Variants in PDE1A observed in about 807,000 individuals in gnomAD.
PDE1A encodes the protein phosphodiesterase 1A.
A neutral mutation model predicts 61.7 loss-of-function variants in PDE1A; 35 were observed. That is an observed-to-expected ratio of 0.57 (90% CI 0.43 to 0.75). The LOEUF (loss-of-function observed/expected upper bound fraction) is 0.75. Among genes scored for constraint, PDE1A ranks in the 30% least tolerant of loss-of-function variants. The pLI, the probability that PDE1A is intolerant of heterozygous loss-of-function variation, is 0.00. For synonymous variants in PDE1A, 232 were observed against 213.2 expected (o/e 1.09, Z -0.77); for missense variants, 597 against 630.6 (o/e 0.95, Z 0.57).
intron 1 of PDE1A, among the ~76,000 whole-genome samples, chr2:182,415,893 A>T (rs777206428): frequency 2.0e-5 from 3 of 152,216 alleles, no homozygotes; most frequent in Non-Finnish European, 4.4e-5. Flanking sequence ...TTGGCTACTG[A>T]GAATGGGTTA....
chr2:182,430,693 A>G (rs1403931220), upstream of PDE1A, among the ~76,000 whole-genome samples: 2 of 130,962 alleles, frequency 1.5e-5, no homozygotes, highest in African/African-American at 5.4e-5. Flanking sequence ...AATAGCAAAG[A>G]CTTGGAACCA....
chr2:182,374,837 A>G (rs1250684437), intron 1 of PDE1A, among the ~76,000 whole-genome samples: 1 of 152,220 alleles, frequency 6.6e-6, no homozygotes, highest in African/African-American at 2.4e-5. Context: ...GCAATTTACA[A>G]AAGAAAGAGG....
At chr2:182,656,156 A>G in the PDE1A span, among the ~76,000 whole-genome samples, 1 of 152,358 alleles carries the variant, frequency 6.6e-6, no homozygotes, top group East Asian at 1.9e-4. Context: ...CACTACAGGT[A>G]AGATTCTTAG....
At position 182,322,769 on chromosome 2, in the gene PDE1A, A is replaced by C. The variant is rs545947683; in HGVS notation, c.54-58355T>G. On this transcript the variant is annotated intron_variant, in intron 1 of 13. Transcript: ENST00000351439. ...AAAGTTTAGTAAAAGAATTTGTAGA[A>C]CACTCCAGTGATACAGATAGGTGAA... Among the ~76,000 whole-genome samples the C allele has an allele frequency of 8.3e-4, 126 of 152,316 alleles. 1 individual carries two copies. The highest frequency in any genetic ancestry group is 3.4e-3 in the Middle Eastern group (1 of 294).
the PDE1A span, among the ~76,000 whole-genome samples, chr2:182,610,161 T>G: frequency 6.6e-6 from 1 of 152,074 alleles, no homozygotes; most frequent in Non-Finnish European, 1.5e-5. Flanking sequence ...TTGCTGGGTT[T>G]CCCCACTCAG....
intron 11 of PDE1A, among the ~76,000 whole-genome samples, chr2:182,186,978 A>G (rs906465596): frequency 6.6e-6 from 1 of 152,172 alleles, no homozygotes; most frequent in African/African-American, 2.4e-5. Context: ...TGCATTTTGG[A>G]TTTTATTCTT....
At chr2:182,653,099 TA>T in the PDE1A span, among the ~76,000 whole-genome samples, 1 of 152,180 alleles carries the variant, frequency 6.6e-6, no homozygotes, top group South Asian at 2.1e-4. Flanking sequence ...GAGGAGCCCA[TA>T]ACATAGGAAT....
At chr2:182,500,574 G>T (rs558816466) in intron 2 of PDE1A, among the ~76,000 whole-genome samples, 1 of 152,252 alleles carries the variant, frequency 6.6e-6, no homozygotes, top group South Asian at 2.1e-4. Context: ...ATTACTTTGG[G>T]ATAAGCAGCC....
chr2:182,527,032 T>C (rs1298114684), upstream of PDE1A, among the ~76,000 whole-genome samples: 1 of 151,386 alleles, frequency 6.6e-6, no homozygotes. Flanking sequence ...GGTCAAAACA[T>C]GACCAATAAA....
chr2:182,486,244 T>G (rs1229934373), intron 2 of PDE1A, among the ~76,000 whole-genome samples: 1 of 151,956 alleles, frequency 6.6e-6, no homozygotes, highest in Non-Finnish European at 1.5e-5. Context: ...AATGGGTTAA[T>G]AAAAGAAGTG....
At chr2:182,170,313 G>A (rs1001303767) in intron 13 of PDE1A, among the ~76,000 whole-genome samples, 2 of 151,678 alleles carry the variant, frequency 1.3e-5, no homozygotes, top group African/African-American at 4.8e-5. Context: ...ATGGTCAATG[G>A]GTGAATAAAT....
intron 2 of PDE1A, among the ~76,000 whole-genome samples, chr2:182,483,749 A>G (rs1687843021): frequency 6.6e-6 from 1 of 151,912 alleles, no homozygotes; most frequent in Non-Finnish European, 1.5e-5. Context: ...AGCCTAAGCA[A>G]GCAAAAGGAA....
chr2:182,162,381 T>C (rs910429087), intron 13 of PDE1A, among the ~76,000 whole-genome samples: 7 of 152,158 alleles, frequency 4.6e-5, no homozygotes, highest in Non-Finnish European at 1.0e-4. Context: ...ATGATGTTCC[T>C]AGAAGTAAAA....
chr2:182,302,576 T>G (rs141609644), intron 1 of PDE1A, among the ~76,000 whole-genome samples: 14 of 152,346 alleles, frequency 9.2e-5, no homozygotes, highest in Admixed American at 8.5e-4. Flanking sequence ...TGTGTTGATG[T>G]CTGCTGACTA....
intron 1 of PDE1A, among the ~76,000 whole-genome samples, chr2:182,403,598 C>CAAAAAAAAAAA (rs548993514): frequency 4.3e-4 from 33 of 77,526 alleles, no homozygotes; most frequent in African/African-American, 1.4e-3. Flanking sequence ...GACTCCGTCT[C>CAAAAAAAAAAA]AAAAAAAAAA....
chr2:182,420,461 T>C (rs1703207336), intron 1 of PDE1A, among the ~76,000 whole-genome samples: 2 of 152,186 alleles, frequency 1.3e-5, no homozygotes, highest in Admixed American at 1.3e-4. Flanking sequence ...TCATTACCAT[T>C]GGTTTCTAAT....
rs554112550 is a variant in PDE1A, at chr2:182,211,708, C to A, written c.777-5643G>T. Reference sequence around the variant, plus strand: ...GTTTTACAGTTTTTCTTATAAAGGTCTTGTATATGTTTTGTTCCATTTATA... The same window carrying A: ...GTTTTACAGTTTTTCTTATAAAGGTATTGTATATGTTTTGTTCCATTTATA... On this transcript the variant is annotated intron_variant, in intron 7 of 13. Transcript: ENST00000351439. Among the ~76,000 whole-genome samples, 517 of 152,176 alleles carry A rather than the reference C, an allele frequency of 3.4e-3. 2 individuals carry two copies. The highest frequency in any genetic ancestry group is 0.012 in the African/African-American group (503 of 41,552).
At chr2:182,185,684 G>C (rs1685140497) in intron 13 of PDE1A, 1 of 808,938 alleles carries the variant, frequency 1.2e-6, no homozygotes, top group Admixed American at 2.9e-5. Context: ...CAGATCTGCA[G>C]CCCATGTGGC....
chr2:182,321,782 T>C (rs1176112867), intron 1 of PDE1A, among the ~76,000 whole-genome samples: 1 of 152,172 alleles, frequency 6.6e-6, no homozygotes, highest in Non-Finnish European at 1.5e-5. Flanking sequence ...AACCTTCCCA[T>C]TGCCCCTTCT....
Sources: allele counts gnomAD v4.1 joint callset (sites outside exome capture counted in the v4.1 genomes callset), GRCh38; gene constraint gnomAD v4.1.1; transcripts MANE v1.5; gene names NCBI Gene and HGNC (gene_info 2026-07-23, HGNC 2026-07-21).